Variants in PPP3CC observed in about 807,000 individuals in gnomAD.
PPP3CC encodes protein phosphatase 3 catalytic subunit gamma.
In PPP3CC, 35 loss-of-function variants were observed where a neutral mutation model predicts 60.3. That is an observed-to-expected ratio of 0.58 (90% confidence interval 0.44 to 0.77). The LOEUF is 0.77. Among genes scored for constraint, PPP3CC ranks in the 30% least tolerant of loss-of-function variants. The probability of loss-of-function intolerance (pLI) is 0.00; values close to 1 mark genes in which losing one functional copy is unlikely to be tolerated. For missense variants in PPP3CC, 570 were observed against 628.9 expected, an observed-to-expected ratio of 0.91 and a Z score of 1.00; for synonymous variants, 206 against 224.3, an observed-to-expected ratio of 0.92 and a Z score of 0.73.
intron 8 of PPP3CC, among the ~76,000 whole-genome samples, chr8:22,524,878 A>T (rs1261099429): frequency 1.3e-5 from 2 of 152,176 alleles, no homozygotes; most frequent in Non-Finnish European, 2.9e-5. Context: ...GGCCAGGCAC[A>T]GTGGCTCATG....
intron 4 of PPP3CC, among the ~76,000 whole-genome samples, chr8:22,504,091 T>C (rs1203127316): frequency 6.6e-6 from 1 of 152,202 alleles, no homozygotes; most frequent in Non-Finnish European, 1.5e-5. Context: ...CTTAAATTGC[T>C]TTATAATGCA....
intron 5 of PPP3CC, 94 bp from the exon 6 acceptor site, chr8:22,513,199 G>C: frequency 7.8e-7 from 1 of 1,287,326 alleles, no homozygotes; most frequent in Non-Finnish European, 1.0e-6. Flanking sequence ...ATACATTCTT[G>C]TGGGTGAAAG....
At chr8:22,530,642 C>G (rs1839684041) in intron 10 of PPP3CC, among the ~76,000 whole-genome samples, 1 of 149,870 alleles carries the variant, frequency 6.7e-6, no homozygotes, top group African/African-American at 2.5e-5. Flanking sequence ...ACCATGCTGG[C>G]CAACATGGTG....
At chr8:22,519,714 GTGCGATCT>G (rs1839353373) in intron 6 of PPP3CC, among the ~76,000 whole-genome samples, 1 of 152,178 alleles carries the variant, frequency 6.6e-6, no homozygotes, top group Non-Finnish European at 1.5e-5. Context: ...GAGTGCAGTG[GTGCGATCT>G]TGGCTCACTG....
chr8:22,525,854 C>G (rs1221630989), intron 8 of PPP3CC, among the ~76,000 whole-genome samples: 1 of 146,530 alleles, frequency 6.8e-6, no homozygotes, highest in Non-Finnish European at 1.5e-5. Flanking sequence ...GCCACCACAC[C>G]TGGCCTCTTT....
intron 12 of PPP3CC, among the ~76,000 whole-genome samples, chr8:22,533,829 A>T (rs111675956): frequency 0.02 from 2,997 of 152,128 alleles, 110 homozygotes; most frequent in African/African-American, 0.068. Flanking sequence ...CATCTCAAAA[A>T]AAACCAAAGT....
At chr8:22,518,717 C>G (rs2469772) in intron 6 of PPP3CC, among the ~76,000 whole-genome samples, 70,057 of 151,918 alleles carry the variant, frequency 0.46, 16,140 homozygotes, top group East Asian at 0.56. Flanking sequence ...GATGGAGTCT[C>G]GCTCTGTCGC....
intron 8 of PPP3CC, chr8:22,523,837 G>A: frequency 9.1e-6 from 2 of 220,788 alleles, no homozygotes; most frequent in South Asian, 4.6e-5. Flanking sequence ...TTTTTCTCGT[G>A]TTGCTGATAC....
intron 2 of PPP3CC, 122 bp from the exon 3 acceptor site, chr8:22,475,378 C>T: frequency 1.7e-6 from 2 of 1,176,714 alleles, no homozygotes; most frequent in East Asian, 2.4e-5. Context: ...TACAGTTTTA[C>T]AGCAGTCCTG....
intron 1 of PPP3CC, among the ~76,000 whole-genome samples, chr8:22,455,414 T>C (rs1329563984): frequency 6.6e-6 from 1 of 152,234 alleles, no homozygotes; most frequent in Non-Finnish European, 1.5e-5. Flanking sequence ...AATCCTTTAA[T>C]GTTTAATCTG....
intron 12 of PPP3CC, among the ~76,000 whole-genome samples, chr8:22,536,707 G>A (rs1423303314): frequency 2.0e-5 from 3 of 152,096 alleles, no homozygotes; most frequent in African/African-American, 7.2e-5. Context: ...AGTTTATTTT[G>A]TTATTTTCAC....
intron 3 of PPP3CC, chr8:22,492,894 C>A: frequency 8.6e-7 from 1 of 1,159,402 alleles, no homozygotes. Context: ...TGAGACAAAG[C>A]AGCTGATGGA....
chr8:22,500,038 A>T (rs1488707370), intron 4 of PPP3CC, among the ~76,000 whole-genome samples: 1 of 152,230 alleles, frequency 6.6e-6, no homozygotes, highest in Non-Finnish European at 1.5e-5. Flanking sequence ...GGTTGAGTTC[A>T]TTTGAATGAA....
chr8:22,448,834 G>A (rs755960451), intron 1 of PPP3CC, among the ~76,000 whole-genome samples: 44 of 152,296 alleles, frequency 2.9e-4, no homozygotes, highest in Non-Finnish European at 5.4e-4. Context: ...AAAATCATTT[G>A]TAGAGAAAAA....
intron 6 of PPP3CC, among the ~76,000 whole-genome samples, chr8:22,516,880 G>C (rs1310803508): frequency 6.6e-6 from 1 of 152,066 alleles, no homozygotes; most frequent in Non-Finnish European, 1.5e-5. Flanking sequence ...TATAAGCTTT[G>C]TTTAGGCATG....
At chr8:22,528,266 TA>T (rs1264745495) in intron 9 of PPP3CC, among the ~76,000 whole-genome samples, 1 of 152,218 alleles carries the variant, frequency 6.6e-6, no homozygotes, top group Non-Finnish European at 1.5e-5. Flanking sequence ...TAAAATCAAG[TA>T]ATTAGGCAAT....
chr8:22,489,895 C>T (rs988367907), intron 3 of PPP3CC, among the ~76,000 whole-genome samples: 13 of 150,774 alleles, frequency 8.6e-5, no homozygotes, highest in African/African-American at 3.2e-4. Flanking sequence ...GATCTCAGCT[C>T]ACTGCAACCT....
In PPP3CC at chr8:22,513,283, TGTCTTCTA is replaced by T. The variant is rs1189306360; in HGVS notation, c.631-7_631del. 1.9e-6 allele frequency: 3 copies of T among 1,601,970 alleles called. No homozygotes were observed. Among genetic ancestry groups the T allele is most frequent in the Non-Finnish European group, 2.5e-6 (3 of 1,176,584 alleles). ...TGATTTTTTTCTTTTGGCTTTTGTG[TGTCTTCTA>T]GTTAGACAGGTTTACGGAACCTCCC... is the stretch of plus-strand genomic sequence containing the variant. On this transcript the variant is annotated splice_acceptor_variant and splice_polypyrimidine_tract_variant and intron_variant, in intron 5 of 13. Transcript: ENST00000240139. LOFTEE classifies it high-confidence loss of function.
intron 1 of PPP3CC, among the ~76,000 whole-genome samples, chr8:22,463,117 A>G (rs1213032445): frequency 6.6e-6 from 1 of 152,232 alleles, no homozygotes; most frequent in Non-Finnish European, 1.5e-5. Flanking sequence ...GCAGCCTAAA[A>G]TCTTACAACA....
Sources: allele counts gnomAD v4.1 joint callset (sites outside exome capture counted in the v4.1 genomes callset), GRCh38; gene constraint gnomAD v4.1.1; transcripts MANE v1.5; gene names NCBI Gene and HGNC (gene_info 2026-07-23, HGNC 2026-07-21).